The following NGEF variants were observed in gnomAD, a reference collection of about 807,000 sequenced individuals.
NGEF encodes the protein ephexin-1.
Under a neutral mutation model 80.9 loss-of-function variants are expected in NGEF, and 31 were observed. That is an observed-to-expected ratio of 0.38 (90% CI 0.29 to 0.52). NGEF has a LOEUF of 0.52. Among genes scored for constraint, NGEF ranks in the 20% least tolerant of loss-of-function variants. NGEF has a pLI of 0.84. For synonymous variants in NGEF, 371 were observed against 370.2 expected (o/e 1.00, Z -0.03); for missense variants, 709 against 926.2 (o/e 0.77, Z 3.04).
rs76288226 is a variant in NGEF at position 232,913,150 on chromosome 2, G to A, written c.828+7134C>T. 4.7e-3 allele frequency among the ~76,000 whole-genome samples: 711 copies of A among 152,172 alleles called. 8 individuals are homozygous for A. Among genetic ancestry groups the A allele is most frequent in the African/African-American group, 0.017 (686 of 41,500 alleles). On this transcript the variant is annotated intron_variant, in intron 5 of 14. Transcript: ENST00000264051. ...AAACATAATGCTATAAATCTCCTTC[G>A]AAACACTGCTTTTGCTGCATCCCAC...
At chr2:232,927,774 G>A (rs2106284648) in intron 3 of NGEF, 1 of 548,390 alleles carries the variant, frequency 1.8e-6, no homozygotes, top group Non-Finnish European at 2.7e-6. Context: ...GGGCGGCGGG[G>A]GCCCGCGGAG....
At chr2:232,962,314 A>C (rs1358370921) in intron 3 of NGEF, among the ~76,000 whole-genome samples, 1 of 152,196 alleles carries the variant, frequency 6.6e-6, no homozygotes, top group Non-Finnish European at 1.5e-5. Context: ...AGGTGGGAGG[A>C]CCACTTGAGA....
chr2:232,928,629 G>A (rs1045512067), intron 3 of NGEF, among the ~76,000 whole-genome samples: 5 of 152,272 alleles, frequency 3.3e-5, no homozygotes, highest in South Asian at 2.1e-4. Context: ...GGCGGAGACT[G>A]GGGTCTCAGG....
intron 1 of NGEF, among the ~76,000 whole-genome samples, chr2:232,987,792 A>G (rs1436122329): frequency 1.3e-5 from 2 of 152,102 alleles, no homozygotes; most frequent in Non-Finnish European, 2.9e-5. Flanking sequence ...GTCCTTGAAG[A>G]AAATGAACCC....
chr2:232,997,683 G>T (rs930605449), intron 1 of NGEF, among the ~76,000 whole-genome samples: 1 of 152,034 alleles, frequency 6.6e-6, no homozygotes, highest in Admixed American at 6.6e-5. Context: ...AGGCTCTGGC[G>T]ACCTGGCCTC....
chr2:232,932,376 G>A (rs570598960), intron 3 of NGEF, among the ~76,000 whole-genome samples: 2 of 151,632 alleles, frequency 1.3e-5, no homozygotes, highest in East Asian at 1.9e-4. Context: ...CATGTTGGCC[G>A]GGCTGGTCTC....
chr2:232,996,349 C>T (rs1694846789), intron 1 of NGEF, among the ~76,000 whole-genome samples: 1 of 152,106 alleles, frequency 6.6e-6, no homozygotes, highest in Non-Finnish European at 1.5e-5. Flanking sequence ...AACAACAACA[C>T]AAACAACAAC....
rs144485640 is a variant in NGEF, at chr2:232,926,774, C to G, written c.526+270G>C. Among the ~76,000 whole-genome samples the G allele has an allele frequency of 8.4e-3, 1,275 of 152,316 alleles. 29 individuals carry two copies. Among genetic ancestry groups the G allele is most frequent in the Admixed American group, 0.05 (769 of 15,296 alleles). On this transcript the variant is annotated intron_variant, in intron 4 of 14. Transcript: ENST00000264051. Reference sequence around the variant, plus strand: ...AGAAGTGATAAGGGGTCAGAGAGCCCTCCCACCAGACAAGAGCTGGGCAAA... The same window carrying G: ...AGAAGTGATAAGGGGTCAGAGAGCCGTCCCACCAGACAAGAGCTGGGCAAA...
chr2:232,894,722 C>T (rs1692002219), intron 6 of NGEF, 34 bp downstream of exon 6: 1 of 1,519,240 alleles, frequency 6.6e-7, no homozygotes, highest in East Asian at 2.3e-5. Flanking sequence ...TGAAGAAGGG[C>T]CCTGAGGGAG....
At chr2:232,885,407 C>CA (rs764389678) in intron 9 of NGEF, 38 bp from the exon 10 acceptor site, 11 of 1,572,016 alleles carry the variant, frequency 7.0e-6, no homozygotes, top group Non-Finnish European at 9.6e-6. Context: ...CCACCAAAGC[C>CA]GGCTGTCCCG....
At chr2:232,904,165 T>C (rs1575005896) in intron 5 of NGEF, among the ~76,000 whole-genome samples, 1 of 152,090 alleles carries the variant, frequency 6.6e-6, no homozygotes, top group Admixed American at 6.5e-5. Context: ...TGTCTGGGCA[T>C]GGGGGGACCG....
chr2:232,918,240 G>A (rs1237096080), intron 5 of NGEF, among the ~76,000 whole-genome samples: 1 of 152,174 alleles, frequency 6.6e-6, no homozygotes, highest in African/African-American at 2.4e-5. Context: ...TTACAGGCAT[G>A]AGCCACTGTG....
chr2:232,941,440 A>G (rs1693435510), intron 3 of NGEF, among the ~76,000 whole-genome samples: 1 of 152,260 alleles, frequency 6.6e-6, no homozygotes, highest in Non-Finnish European at 1.5e-5. Flanking sequence ...GCTATAAACT[A>G]TAAACTAAGT....
At chr2:232,899,397 G>C (rs1369840249) in intron 5 of NGEF, among the ~76,000 whole-genome samples, 1 of 152,162 alleles carries the variant, frequency 6.6e-6, no homozygotes, top group Non-Finnish European at 1.5e-5. Context: ...GCTTTCCTAA[G>C]CCCATTCCTG....
At chr2:232,883,133 AC>A (rs372528715) in intron 12 of NGEF, among the ~76,000 whole-genome samples, 177 bp downstream of exon 12, 70 of 152,074 alleles carry the variant, frequency 4.6e-4, no homozygotes, top group African/African-American at 1.6e-3. Context: ...ACCTGCAGCC[AC>A]CCCCAGCGGC....
chr2:232,909,496 T>A (rs1041637815), intron 5 of NGEF, among the ~76,000 whole-genome samples: 5 of 152,152 alleles, frequency 3.3e-5, no homozygotes, highest in African/African-American at 1.2e-4. Flanking sequence ...TTGGAGGGGG[T>A]AACACTTATT....
chr2:232,905,545 G>T (rs1057115550), intron 5 of NGEF: 1 of 280,158 alleles, frequency 3.6e-6, no homozygotes, highest in Non-Finnish European at 7.2e-6. Context: ...AGTGAGGAGC[G>T]TCTCTGCCTG....
intron 6 of NGEF, 161 bp downstream of exon 6, chr2:232,894,595 G>C: frequency 1.3e-6 from 1 of 783,614 alleles, no homozygotes. Flanking sequence ...GGGTGGTGAG[G>C]TTTGGATTTA....
intron 1 of NGEF, among the ~76,000 whole-genome samples, chr2:232,990,675 G>C (rs1694633008): frequency 6.6e-6 from 1 of 152,000 alleles, no homozygotes; most frequent in Non-Finnish European, 1.5e-5. Context: ...AAACAGAATG[G>C]CCAGCCCAAA....
Sources: allele counts gnomAD v4.1 joint callset (sites outside exome capture counted in the v4.1 genomes callset), GRCh38; gene constraint gnomAD v4.1.1; transcripts MANE v1.5; gene names NCBI Gene and HGNC (gene_info 2026-07-23, HGNC 2026-07-21).